Variants in DPP6 observed in about 807,000 individuals in gnomAD.
DPP6 encodes the protein dipeptidyl peptidase like 6, also known as A-type potassium channel modulatory protein DPP6.
DPP6 carries 69 observed loss-of-function variants against 122.6 expected under a neutral mutation model. The observed-to-expected ratio is 0.56, with a 90% CI of 0.46 to 0.69. The LOEUF is 0.69. DPP6 is among the 30% of genes least tolerant of loss of function. The pLI is 0.00. For missense variants in DPP6, 928 were observed against 1,116.9 expected (o/e 0.83, Z 2.41); for synonymous variants, 418 against 433.1 (o/e 0.97, Z 0.43).
At chr7:154,756,466 C>T (rs773685219) in intron 8 of DPP6, among the ~76,000 whole-genome samples, 1 of 152,188 alleles carries the variant, frequency 6.6e-6, no homozygotes, top group African/African-American at 2.4e-5. Context: ...GCTCTCACAT[C>T]GACAACCCAA....
chr7:154,157,291 T>C (rs1796732954), intron 1 of DPP6, among the ~76,000 whole-genome samples: 1 of 152,202 alleles, frequency 6.6e-6, no homozygotes. Flanking sequence ...TCTCCAACTT[T>C]GCTGAGGAAA....
chr7:154,508,348 T>C (rs987609006), intron 3 of DPP6, among the ~76,000 whole-genome samples: 1 of 152,138 alleles, frequency 6.6e-6, no homozygotes, highest in Non-Finnish European at 1.5e-5. Flanking sequence ...GGTTCCTCCA[T>C]GGAGTCCTTC....
intron 1 of DPP6, among the ~76,000 whole-genome samples, chr7:153,921,659 G>T (rs2129008730): frequency 6.6e-6 from 1 of 152,326 alleles, no homozygotes; most frequent in Middle Eastern, 3.4e-3. Context: ...AGCAAGCTCT[G>T]CACACAGTGA....
chr7:154,842,983 T>G (rs1801671553), intron 16 of DPP6, among the ~76,000 whole-genome samples: 1 of 152,204 alleles, frequency 6.6e-6, no homozygotes, highest in African/African-American at 2.4e-5. Context: ...AGTGAACACG[T>G]TTTTGCTGAT....
intron 1 of DPP6, among the ~76,000 whole-genome samples, chr7:153,954,755 T>C (rs1324722770): frequency 6.6e-6 from 1 of 152,216 alleles, no homozygotes; most frequent in Non-Finnish European, 1.5e-5. Context: ...TTGGACTTGA[T>C]GCACCTCTTT....
chr7:154,055,371 CA>C (rs1399169791), intron 1 of DPP6, among the ~76,000 whole-genome samples: 1 of 146,816 alleles, frequency 6.8e-6, no homozygotes, highest in African/African-American at 2.5e-5. Context: ...GTTATGCCCC[CA>C]AATTTACTAA....
intron 1 of DPP6, among the ~76,000 whole-genome samples, chr7:154,120,714 T>C (rs962343706): frequency 2.2e-4 from 33 of 152,226 alleles, no homozygotes; most frequent in African/African-American, 6.3e-4. Context: ...ATACAGTTGA[T>C]TAGAAACAGT....
chr7:154,187,845 A>G (rs1170786750), intron 1 of DPP6, among the ~76,000 whole-genome samples: 1 of 152,178 alleles, frequency 6.6e-6, no homozygotes, highest in African/African-American at 2.4e-5. Context: ...CTTTAAAAAA[A>G]AAACTTCTGA....
At chr7:153,973,362 C>T (rs1796122291) in intron 1 of DPP6, among the ~76,000 whole-genome samples, 1 of 152,158 alleles carries the variant, frequency 6.6e-6, no homozygotes, top group South Asian at 2.1e-4. Context: ...AAGGTTAAGC[C>T]GTTGTCCGAC....
chr7:154,627,976 A>T (rs1315586624), intron 5 of DPP6, among the ~76,000 whole-genome samples: 2 of 152,222 alleles, frequency 1.3e-5, no homozygotes, highest in Non-Finnish European at 2.9e-5. Flanking sequence ...TGGTTCAGGC[A>T]GCTGTAGCCA....
At chr7:154,329,606 C>T (rs1808742232) in intron 1 of DPP6, among the ~76,000 whole-genome samples, 1 of 152,104 alleles carries the variant, frequency 6.6e-6, no homozygotes, top group Non-Finnish European at 1.5e-5. Context: ...TTAGTTTAAT[C>T]ATGGAAGACA....
intron 1 of DPP6, among the ~76,000 whole-genome samples, chr7:154,354,642 A>G (rs1811128556): frequency 6.6e-6 from 1 of 152,220 alleles, no homozygotes; most frequent in Non-Finnish European, 1.5e-5. Context: ...AAATAGAATC[A>G]TGCAATACAT....
In DPP6 at chr7:154,030,366, T is replaced by TG. The variant is rs549434672; in HGVS notation, c.51+142636dup. 1.6e-3 allele frequency among the ~76,000 whole-genome samples: 249 copies of TG among 152,216 alleles called. 1 individual carries two copies. Among genetic ancestry groups the TG allele is most frequent in the African/African-American group, 5.7e-3 (236 of 41,536 alleles). Reference sequence around the variant, plus strand: ...TGGAAGGCCCCAGAGGAGGCTTCTGTGGGGTGGTGAGGGCACCAGGTGTGA... The same window carrying TG: ...TGGAAGGCCCCAGAGGAGGCTTCTGTGGGGGTGGTGAGGGCACCAGGTGTGA... On this transcript the variant is annotated intron_variant, in intron 1 of 25. Coordinates refer to the DPP6 transcript ENST00000404039.
intron 1 of DPP6, among the ~76,000 whole-genome samples, chr7:154,412,732 A>G (rs1816710945): frequency 6.6e-6 from 1 of 152,074 alleles, no homozygotes; most frequent in South Asian, 2.1e-4. Flanking sequence ...CACTTATTCA[A>G]TGCCGCCCAA....
At chr7:154,688,878 T>C (rs1459479209) in intron 7 of DPP6, among the ~76,000 whole-genome samples, 2 of 152,212 alleles carry the variant, frequency 1.3e-5, no homozygotes, top group East Asian at 3.8e-4. Context: ...TCCAATCAAG[T>C]TGACACTCAG....
chr7:154,203,413 T>C (rs1195716632), intron 1 of DPP6, among the ~76,000 whole-genome samples: 1 of 152,152 alleles, frequency 6.6e-6, no homozygotes, highest in Non-Finnish European at 1.5e-5. Context: ...GAAGGTGACA[T>C]GCTGCAGCCT....
At position 154,281,806 on chromosome 7, in the gene DPP6, A is replaced by G. The variant is rs554907970; in HGVS notation, c.244-164408A>G. ...TACCAGTAGCCTCTTCTTTATGGTC[A>G]TACCACATATTTAGAATTTGAACTT... On this transcript the variant is annotated intron_variant, in intron 1 of 25. Transcript: ENST00000377770. 3.3e-5 allele frequency among the ~76,000 whole-genome samples: 5 copies of G among 152,312 alleles called. No individual in the cohort carries two copies. The South Asian group carries it at 1.0e-3, about 32-fold the overall frequency.
chr7:154,121,278 C>T (rs1807437803), intron 1 of DPP6, among the ~76,000 whole-genome samples: 1 of 152,170 alleles, frequency 6.6e-6, no homozygotes, highest in South Asian at 2.1e-4. Context: ...TACTTCTGCT[C>T]TATTATTTAT....
intron 8 of DPP6, among the ~76,000 whole-genome samples, chr7:154,751,587 G>T (rs1454568203): frequency 6.7e-6 from 1 of 149,274 alleles, no homozygotes; most frequent in East Asian, 2.0e-4. Flanking sequence ...TCCAGCCTGG[G>T]TGACAGAGTG....
Sources: allele counts gnomAD v4.1 joint callset (sites outside exome capture counted in the v4.1 genomes callset), GRCh38; gene constraint gnomAD v4.1.1; transcripts MANE v1.5; gene names NCBI Gene and HGNC (gene_info 2026-07-23, HGNC 2026-07-21).